FBXL3: variants seen among roughly 807,000 people sequenced by gnomAD.
FBXL3 encodes F-box/LRR-repeat protein 3.
FBXL3 carries 14 observed loss-of-function variants against 37.9 expected under a neutral mutation model. That is an observed-to-expected ratio of 0.37 (90% CI 0.24 to 0.58). The LOEUF (loss-of-function observed/expected upper bound fraction) is 0.58. Among genes scored for constraint, FBXL3 ranks in the 20% least tolerant of loss-of-function variants. FBXL3 has a pLI of 0.74. For synonymous variants in FBXL3, 194 were observed against 180.1 expected, an observed-to-expected ratio of 1.08 and a Z score of -0.62; for missense variants, 327 against 511.1, an observed-to-expected ratio of 0.64 and a Z score of 3.47.
At chr13:77,022,903 T>G (rs1468553288) in intron 1 of FBXL3, among the ~76,000 whole-genome samples, 2 of 152,242 alleles carry the variant, frequency 1.3e-5, no homozygotes, top group African/African-American at 4.8e-5. Flanking sequence ...TATGTGGCTT[T>G]GAGCAAATTA....
At chr13:77,022,285 G>T (rs2034758623) in intron 1 of FBXL3, among the ~76,000 whole-genome samples, 1 of 152,058 alleles carries the variant, frequency 6.6e-6, no homozygotes, top group South Asian at 2.1e-4. Context: ...GGCCAACCAG[G>T]GTCCCAAGAA....
At chr13:77,011,272 G>A (rs897429630) in intron 4 of FBXL3, among the ~76,000 whole-genome samples, 11 of 150,184 alleles carry the variant, frequency 7.3e-5, no homozygotes, top group Admixed American at 6.6e-5. Context: ...CCCGGGAGGC[G>A]GAGGTTGCAG....
chr13:77,021,816 T>G lies in FBXL3; in HGVS notation c.45A>C (p.Glu15Asp), dbSNP rs2034749679. 1 of 1,613,410 alleles carries G rather than the reference T, an allele frequency of 6.2e-7. No homozygotes were observed. Among genetic ancestry groups the G allele is most frequent in the Non-Finnish European group, 8.5e-7 (1 of 1,179,956 alleles). ...GTTTCTTGGATTTCTCTGCAGTTCCTTCTTCTGATGAATTACGGTCACTAT... is the reference window on the plus strand; with the variant it reads ...GTTTCTTGGATTTCTCTGCAGTTCCGTCTTCTGATGAATTACGGTCACTAT... ...GRDSDRNSSEEGTAEKSKKLR... is the reference protein window; with the variant it reads ...GRDSDRNSSEDGTAEKSKKLR... The change falls in exon 2 of 5, where the codon GAA becomes GAC. Residue 15 changes from glutamate (E) to aspartate (D), a missense_variant. Coordinates refer to ENST00000355619, the MANE Select transcript of FBXL3 (RefSeq NM_012158.4).
Position 77,007,289 on chromosome 13 carries a change from C to T in FBXL3, c.1143G>A (p.Lys381=), listed in dbSNP as rs745731884. ...ATTGAGATAGGCGGCCACCACACAT[C>T]TTCACAAACTCAACAAAGGCACTAC... ...VSCSAFVEFV[K]MCGGRLSQLS... is the part of the protein sequence containing the mutation. The change falls in exon 5 of 5, where the codon AAG becomes AAA. Residue 381 remains lysine, a synonymous_variant. Transcript: ENST00000355619. 2 of 1,614,148 alleles carry T rather than the reference C, an allele frequency of 1.2e-6. No individual in the cohort carries two copies. Among genetic ancestry groups the T allele is most frequent in the East Asian group, 2.2e-5 (1 of 44,882 alleles).
chr13:77,017,517 T>G (rs941528751), intron 3 of FBXL3: 6 of 152,124 alleles, frequency 3.9e-5, no homozygotes, highest in African/African-American at 1.4e-4. Context: ...AGAGAAGACT[T>G]AGAATCACCC....
chr13:77,012,645 G>A (rs370574942), intron 4 of FBXL3, among the ~76,000 whole-genome samples: 7 of 152,198 alleles, frequency 4.6e-5, no homozygotes, highest in African/African-American at 1.7e-4. Context: ...AGTGAGGAAA[G>A]TAGAATACAG....
intron 4 of FBXL3, chr13:77,010,587 T>G (rs2034531370): frequency 6.6e-6 from 1 of 152,234 alleles, no homozygotes; most frequent in Non-Finnish European, 1.5e-5. Context: ...AATGTGTTAT[T>G]GCTGGCTCTA....
rs946488526 is a variant in FBXL3, at chr13:77,012,066, A to G, written c.643+3343T>C. Among the ~76,000 whole-genome samples the G allele has an allele frequency of 3.9e-5, 6 of 152,346 alleles. 1 individual carries two copies. Among genetic ancestry groups the G allele is most frequent in the African/African-American group, 1.4e-4 (6 of 41,572 alleles). On this transcript the variant is annotated intron_variant, in intron 4 of 4. Transcript: ENST00000355619. Reference sequence around the variant, plus strand: ...AGAACAGGCAAATCTACAGAGACAGAAAATAGATTAGTGGTTGTTGAGGGA... The same window carrying G: ...AGAACAGGCAAATCTACAGAGACAGGAAATAGATTAGTGGTTGTTGAGGGA...
intron 1 of FBXL3, among the ~76,000 whole-genome samples, chr13:77,023,162 G>A (rs1350418508): frequency 6.6e-6 from 1 of 152,052 alleles, no homozygotes; most frequent in Non-Finnish European, 1.5e-5. Context: ...CATTCATTCC[G>A]TTCACTCATT....
chr13:77,026,778 C>G (rs921339200), intron 1 of FBXL3, 49 bp downstream of exon 1: 27 of 148,322 alleles, frequency 1.8e-4, no homozygotes, highest in African/African-American at 6.4e-4. Flanking sequence ...GCGGTCCCTC[C>G]CCGGCTCCGC....
At chr13:77,011,295 A>C (rs1166410536) in intron 4 of FBXL3, among the ~76,000 whole-genome samples, 2 of 148,676 alleles carry the variant, frequency 1.3e-5, no homozygotes, top group African/African-American at 5.1e-5. Flanking sequence ...AGCCGAGATC[A>C]ATGCCACTGC....
At position 77,007,071 on chromosome 13, in the gene FBXL3, T is replaced by G; in HGVS notation, c.*74A>C. On this transcript the variant is annotated 3_prime_UTR_variant, in exon 5 of 5. Coordinates refer to ENST00000355619, the MANE Select transcript of FBXL3 (RefSeq NM_012158.4). ...TGTGCCACAAAATAGTAGAATTATATCAGAACTACAGCAAATAAAACTTTA... is the reference window on the plus strand; with the variant it reads ...TGTGCCACAAAATAGTAGAATTATAGCAGAACTACAGCAAATAAAACTTTA... 1 of 1,498,102 alleles carries G rather than the reference T, an allele frequency of 6.7e-7. No individual in the cohort carries two copies. Among genetic ancestry groups the G allele is most frequent in the Non-Finnish European group, 8.8e-7 (1 of 1,131,854 alleles). The allele number at this position is 1,498,102 out of a possible 1,614,324, so 92.8% of individuals were successfully genotyped here.
At chr13:77,014,286 G>A (rs1244727968) in intron 4 of FBXL3, 4 of 152,298 alleles carry the variant, frequency 2.6e-5, no homozygotes, top group Non-Finnish European at 4.4e-5. Flanking sequence ...ACCAGCAAGA[G>A]ACAGGTGGAG....
At chr13:77,022,290 C>G (rs1385350637) in intron 1 of FBXL3, among the ~76,000 whole-genome samples, 1 of 152,134 alleles carries the variant, frequency 6.6e-6, no homozygotes, top group Non-Finnish European at 1.5e-5. Context: ...ACCAGGGTCC[C>G]AAGAACCTCC....
intron 4 of FBXL3, among the ~76,000 whole-genome samples, chr13:77,012,508 T>G (rs1189731551): frequency 6.6e-6 from 1 of 152,210 alleles, no homozygotes; most frequent in African/African-American, 2.4e-5. Context: ...GGGAACTAAG[T>G]AACTAAATGT....
At chr13:77,023,868 T>C (rs892164813) in intron 1 of FBXL3, among the ~76,000 whole-genome samples, 1 of 152,240 alleles carries the variant, frequency 6.6e-6, no homozygotes, top group Non-Finnish European at 1.5e-5. Context: ...GAAAGAGGAT[T>C]GAGGGCTGGA....
chr13:77,013,513 G>C (rs974240638), intron 4 of FBXL3: 8 of 152,122 alleles, frequency 5.3e-5, no homozygotes, highest in Non-Finnish European at 1.0e-4. Context: ...GCACTAGATG[G>C]ATCAGCTGAC....
In FBXL3 at chr13:77,007,426, C is replaced by A; in HGVS notation, c.1006G>T (p.Glu336Ter). 6.2e-7 allele frequency: 1 copy of A among 1,614,158 alleles called. No individual in the cohort carries two copies. Among genetic ancestry groups the A allele is most frequent in the South Asian group, 1.1e-5 (1 of 91,070 alleles). The change falls in exon 5 of 5, where the codon GAA becomes TAA. Residue 336 changes from glutamate (E) to a stop codon, truncating the protein, a stop_gained. Coordinates refer to ENST00000355619, the MANE Select transcript of FBXL3 (RefSeq NM_012158.4). LOFTEE classifies it high-confidence loss of function. ...RVGMTCPRLV[E>*]LVVCANGLRP... ...AATCCATTTGCACACACTACTAGTT[C>A]AACCAGTCTAGGGCATGTCATTCCC...
intron 4 of FBXL3, among the ~76,000 whole-genome samples, chr13:77,011,519 C>T (rs561484458): frequency 6.4e-4 from 98 of 151,958 alleles, no homozygotes; most frequent in African/African-American, 1.7e-3. Context: ...CCCATGAGTT[C>T]GAGACTAGCC....
Sources: allele counts gnomAD v4.1 joint callset (sites outside exome capture counted in the v4.1 genomes callset), GRCh38; gene constraint gnomAD v4.1.1; transcripts MANE v1.5; gene names NCBI Gene and HGNC (gene_info 2026-07-23, HGNC 2026-07-21).